Variants in LGSN observed in about 807,000 individuals in gnomAD.
LGSN encodes lengsin.
Under a neutral mutation model 19.5 loss-of-function variants are expected in LGSN, and 21 were observed. That is an observed-to-expected ratio of 1.07 (90% confidence interval 0.76 to 1.55). LGSN has a LOEUF of 1.55. LGSN is among the 40% of genes most tolerant of loss of function. LGSN has a pLI of 0.00. For missense variants in LGSN, 673 were observed against 608.5 expected, an observed-to-expected ratio of 1.11 and a Z score of -1.12; for synonymous variants, 257 against 215.6, an observed-to-expected ratio of 1.19 and a Z score of -1.68.
At chr6:63,495,011 G>T in the LGSN span, among the ~76,000 whole-genome samples, 92 of 152,004 alleles carry the variant, frequency 6.1e-4, no homozygotes, top group African/African-American at 2.1e-3. Context: ...GCCTTTGAGG[G>T]TGAGGGTAGA....
intron 2 of LGSN, 49 bp from the exon 3 acceptor site, chr6:63,285,802 A>G: frequency 6.8e-7 from 1 of 1,475,166 alleles, no homozygotes; most frequent in Non-Finnish European, 9.4e-7. Flanking sequence ...TGATGGACTG[A>G]GAAGCAAAAG....
At chr6:63,439,154 T>C in the LGSN span, among the ~76,000 whole-genome samples, 1 of 151,226 alleles carries the variant, frequency 6.6e-6, no homozygotes, top group African/African-American at 2.4e-5. Flanking sequence ...AATTGAACAA[T>C]GAGAACACAT....
chr6:63,529,214 T>TG, the LGSN span, among the ~76,000 whole-genome samples: 7 of 149,238 alleles, frequency 4.7e-5, no homozygotes, highest in African/African-American at 1.7e-4. Flanking sequence ...TGTATATATA[T>TG]TTGCTAATAA....
the LGSN span, among the ~76,000 whole-genome samples, chr6:63,463,427 A>C: frequency 6.6e-6 from 1 of 152,204 alleles, no homozygotes; most frequent in South Asian, 2.1e-4. Context: ...ACTCTTGTAC[A>C]TTGCTACATA....
chr6:63,471,442 G>T, the LGSN span, among the ~76,000 whole-genome samples: 1 of 151,860 alleles, frequency 6.6e-6, no homozygotes, highest in Non-Finnish European at 1.5e-5. Context: ...GAGATGGGTG[G>T]ATCACTTGAG....
the LGSN span, among the ~76,000 whole-genome samples, chr6:63,328,398 G>A: frequency 6.6e-6 from 1 of 152,224 alleles, no homozygotes; most frequent in Non-Finnish European, 1.5e-5. Context: ...TCAAGCACTG[G>A]TCCCTCAAGG....
At chr6:63,325,030 G>T in the LGSN span, among the ~76,000 whole-genome samples, 1 of 150,642 alleles carries the variant, frequency 6.6e-6, no homozygotes, top group Admixed American at 6.6e-5. Context: ...CTTGAACCTG[G>T]GAGGCAGAGG....
chr6:63,322,175 A>G (rs769970723), upstream of LGSN, among the ~76,000 whole-genome samples: 6 of 152,354 alleles, frequency 3.9e-5, no homozygotes, highest in African/African-American at 1.4e-4. Flanking sequence ...TAGGTAAAGG[A>G]TTAAATCTAT....
At chr6:63,397,822 C>T in the LGSN span, among the ~76,000 whole-genome samples, 1 of 152,024 alleles carries the variant, frequency 6.6e-6, no homozygotes, top group Non-Finnish European at 1.5e-5. Context: ...CACCTATAAT[C>T]CCAGCTACTC....
chr6:63,330,799 G>A, the LGSN span, among the ~76,000 whole-genome samples: 450 of 152,300 alleles, frequency 3.0e-3, 3 homozygotes, highest in African/African-American at 0.01. Flanking sequence ...ACTTGACTAA[G>A]CTACCATGTA....
chr6:63,551,225 C>T, the LGSN span, among the ~76,000 whole-genome samples: 2 of 152,004 alleles, frequency 1.3e-5, no homozygotes, highest in African/African-American at 4.8e-5. Flanking sequence ...GCCACCACAC[C>T]TGGCTAGTTT....
upstream of LGSN, among the ~76,000 whole-genome samples, chr6:63,324,097 A>G (rs553537943): frequency 6.6e-6 from 1 of 152,276 alleles, no homozygotes; most frequent in East Asian, 1.9e-4. Flanking sequence ...GATACAGCCC[A>G]TGTCATGCAA....
the LGSN span, among the ~76,000 whole-genome samples, chr6:63,331,003 A>T: frequency 3.3e-5 from 5 of 152,168 alleles, no homozygotes; most frequent in African/African-American, 1.2e-4. Context: ...TCAGAGAGGG[A>T]GAAGGGGACA....
chr6:63,501,365 A>T, the LGSN span, among the ~76,000 whole-genome samples: 1 of 151,022 alleles, frequency 6.6e-6, no homozygotes, highest in East Asian at 1.9e-4. Flanking sequence ...TTCGTCTCAA[A>T]AAAAAAAAAA....
the LGSN span, among the ~76,000 whole-genome samples, chr6:63,502,224 C>A: frequency 1.3e-5 from 2 of 152,200 alleles, no homozygotes; most frequent in African/African-American, 2.4e-5. Context: ...ACTTCAGAAC[C>A]TTTTCTCCTT....
chr6:63,289,191 T>C (rs980473483), intron 2 of LGSN, among the ~76,000 whole-genome samples: 4 of 152,246 alleles, frequency 2.6e-5, no homozygotes, highest in African/African-American at 9.6e-5. Context: ...AGTGAATGAA[T>C]GAATACATCC....
chr6:63,287,953 A>C (rs749299471), intron 2 of LGSN, among the ~76,000 whole-genome samples: 3 of 152,080 alleles, frequency 2.0e-5, no homozygotes, highest in Admixed American at 6.6e-5. Flanking sequence ...CAGTGGCTCA[A>C]GCCTGTAATC....
the LGSN span, among the ~76,000 whole-genome samples, chr6:63,431,171 A>G: frequency 6.6e-6 from 1 of 152,298 alleles, no homozygotes; most frequent in East Asian, 1.9e-4. Context: ...ACAGATTCAT[A>G]ATCAGAAGTT....
At chr6:63,493,896 G>A in the LGSN span, among the ~76,000 whole-genome samples, 2 of 151,938 alleles carry the variant, frequency 1.3e-5, no homozygotes, top group Admixed American at 6.6e-5. Flanking sequence ...AAATCAAGGA[G>A]GTGAATCATT....
Sources: allele counts gnomAD v4.1 joint callset (sites outside exome capture counted in the v4.1 genomes callset), GRCh38; gene constraint gnomAD v4.1.1; transcripts MANE v1.5; gene names NCBI Gene and HGNC (gene_info 2026-07-23, HGNC 2026-07-21).